Variants in HCLS1 observed in about 807,000 individuals in gnomAD.
HCLS1 encodes the protein hematopoietic lineage cell-specific protein.
Under a neutral mutation model 68.6 loss-of-function variants are expected in HCLS1, and 44 were observed. The observed-to-expected ratio is 0.64, with a 90% CI of 0.50 to 0.82. The LOEUF is 0.82. HCLS1 is among the 40% of genes least tolerant of loss of function. The pLI, the probability that HCLS1 is intolerant of heterozygous loss-of-function variation, is 0.00. For synonymous variants in HCLS1, 217 were observed against 225.8 expected (o/e 0.96, Z 0.35); for missense variants, 602 against 612.1 (o/e 0.98, Z 0.17).
intron 6 of HCLS1, 92 bp downstream of exon 6, chr3:121,642,835 A>G (rs1277730390): frequency 9.9e-7 from 1 of 1,015,096 alleles, no homozygotes; most frequent in Non-Finnish European, 1.6e-6. Context: ...CATGGAAGTT[A>G]AAAAGCTGAT....
intron 6 of HCLS1, among the ~76,000 whole-genome samples, chr3:121,641,909 G>A (rs1186678693): frequency 1.3e-5 from 2 of 151,258 alleles, no homozygotes; most frequent in Admixed American, 6.6e-5. Context: ...GTGAAACCCC[G>A]TCTCCACTAA....
intron 4 of HCLS1, among the ~76,000 whole-genome samples, chr3:121,646,609 CTT>C (rs1339145081): frequency 9.5e-6 from 1 of 105,296 alleles, no homozygotes; most frequent in Non-Finnish European, 1.7e-5. Context: ...AATATATATA[CTT>C]ATTATATATT....
chr3:121,645,600 T>C (rs2107469875), intron 4 of HCLS1, among the ~76,000 whole-genome samples: 1 of 152,212 alleles, frequency 6.6e-6, no homozygotes, highest in South Asian at 2.1e-4. Flanking sequence ...AGTTACAATG[T>C]GGTTGGGGCT....
intron 3 of HCLS1, chr3:121,653,547 G>A (rs1379986995): frequency 6.6e-6 from 1 of 152,140 alleles, no homozygotes; most frequent in Non-Finnish European, 1.5e-5. Flanking sequence ...GTACCCCTGT[G>A]AGGTAAACAG....
intron 3 of HCLS1, among the ~76,000 whole-genome samples, chr3:121,648,673 A>G (rs1937663329): frequency 6.6e-6 from 1 of 152,216 alleles, no homozygotes; most frequent in Admixed American, 6.5e-5. Flanking sequence ...TTTAAGGAAG[A>G]ATAGATCCAT....
intron 3 of HCLS1, among the ~76,000 whole-genome samples, chr3:121,651,929 T>A (rs1937760540): frequency 6.6e-6 from 1 of 152,206 alleles, no homozygotes; most frequent in African/African-American, 2.4e-5. Context: ...AACAAAAAGA[T>A]TTGTACCCAA....
In HCLS1 at chr3:121,631,755, G is replaced by C. The variant is rs2049099493; in HGVS notation, c.*91C>G. Reference sequence around the variant, plus strand: ...GGAAGTCTGTCCAGAACCTCATCTGGTTAGACATTTGCAGCAGGAATAGGG... The same window carrying C: ...GGAAGTCTGTCCAGAACCTCATCTGCTTAGACATTTGCAGCAGGAATAGGG... On this transcript the variant is annotated 3_prime_UTR_variant, in exon 14 of 14. Transcript: ENST00000314583. 7.1e-7 allele frequency: 1 copy of C among 1,417,718 alleles called. No individual in the cohort carries two copies. The highest frequency in any genetic ancestry group is 1.4e-5 in the African/African-American group (1 of 70,990). The allele number at this position is 1,417,718 out of a possible 1,614,324, so 87.8% of individuals were successfully genotyped here. A position where few individuals can be genotyped will look rare whatever the true frequency, so the allele number is the denominator to read the frequency against.
chr3:121,635,839 G>C, intron 8 of HCLS1, 35 bp from the exon 9 acceptor site: 1 of 1,582,784 alleles, frequency 6.3e-7, no homozygotes, highest in Non-Finnish European at 8.7e-7. Context: ...TGTTGCGGGA[G>C]AGGGGCAAGG....
At chr3:121,648,897 G>T (rs1404706903) in intron 3 of HCLS1, among the ~76,000 whole-genome samples, 1 of 152,128 alleles carries the variant, frequency 6.6e-6, no homozygotes, top group Admixed American at 6.6e-5. Flanking sequence ...TGTGTCATAA[G>T]CTACTAGTAC....
chr3:121,639,052 CACACAA>C (rs1305556014), intron 6 of HCLS1, among the ~76,000 whole-genome samples: 1 of 150,570 alleles, frequency 6.6e-6, no homozygotes, highest in Non-Finnish European at 1.5e-5. Flanking sequence ...CACACACACA[CACACAA>C]ATAATGCAAA....
At chr3:121,648,805 A>G (rs899713073) in intron 3 of HCLS1, among the ~76,000 whole-genome samples, 1 of 152,202 alleles carries the variant, frequency 6.6e-6, no homozygotes, top group African/African-American at 2.4e-5. Context: ...GTGCTGGAAG[A>G]ACCCCCTGTT....
chr3:121,636,334 C>T, intron 8 of HCLS1, 100 bp downstream of exon 8: 2 of 978,720 alleles, frequency 2.0e-6, no homozygotes, highest in Non-Finnish European at 3.3e-6. Context: ...TGCCCAGCAC[C>T]ACCGTCCCCT....
chr3:121,638,169 G>A (rs2049166973), intron 6 of HCLS1, among the ~76,000 whole-genome samples: 1 of 151,984 alleles, frequency 6.6e-6, no homozygotes, highest in Non-Finnish European at 1.5e-5. Flanking sequence ...TGAACTCCTG[G>A]GGTCAAGCAA....
chr3:121,637,990 GA>G (rs1181691623), intron 6 of HCLS1, among the ~76,000 whole-genome samples: 1 of 151,916 alleles, frequency 6.6e-6, no homozygotes, highest in African/African-American at 2.4e-5. Context: ...CCTGGCTCCA[GA>G]AACCAGAGAC....
chr3:121,657,277 A>G lies in HCLS1; in HGVS notation c.158+2T>C. The stretch of plus-strand genomic sequence containing the variant: ...CTTTTCTCCAGTCCTTTCGGCACCT[A>G]CTTGATGTGTTCTGTGCGTCCAGAC... On this transcript the variant is annotated splice_donor_variant, in intron 3 of 13. Transcript: ENST00000314583. LOFTEE classifies it high-confidence loss of function. 1.2e-6 allele frequency: 2 copies of G among 1,612,770 alleles called. No homozygotes were observed. The highest frequency in any genetic ancestry group is 1.7e-6 in the Non-Finnish European group (2 of 1,179,160).
chr3:121,646,365 T>C (rs1196057049), intron 4 of HCLS1, among the ~76,000 whole-genome samples: 1 of 100,958 alleles, frequency 9.9e-6, no homozygotes, highest in African/African-American at 4.1e-5. Flanking sequence ...TACATTATAT[T>C]ACATATTATT....
At chr3:121,649,233 T>TTTA (rs571491713) in intron 3 of HCLS1, among the ~76,000 whole-genome samples, 5,933 of 151,800 alleles carry the variant, frequency 0.039, 169 homozygotes, top group Non-Finnish European at 0.061. Flanking sequence ...TAAACAGGTC[T>TTTA]TTATTATTAT....
At chr3:121,649,505 G>A (rs919621974) in intron 3 of HCLS1, among the ~76,000 whole-genome samples, 1 of 152,182 alleles carries the variant, frequency 6.6e-6, no homozygotes. Flanking sequence ...AAAGTGCTGG[G>A]ATTACAGGCG....
intron 3 of HCLS1, among the ~76,000 whole-genome samples, chr3:121,650,925 C>T (rs1298798531): frequency 6.6e-6 from 1 of 152,120 alleles, no homozygotes; most frequent in Admixed American, 6.5e-5. Flanking sequence ...ATCACAAGGT[C>T]AGGAGCTCAA....
Sources: allele counts gnomAD v4.1 joint callset (sites outside exome capture counted in the v4.1 genomes callset), GRCh38; gene constraint gnomAD v4.1.1; transcripts MANE v1.5; gene names NCBI Gene and HGNC (gene_info 2026-07-23, HGNC 2026-07-21).